The following TBC1D4 variants were observed in gnomAD, a reference collection of about 807,000 sequenced individuals.
TBC1D4 encodes TBC (Tre-2, BUB2, CDC16) domain-containing protein.
Under a neutral mutation model 142.5 loss-of-function variants are expected in TBC1D4, and 121 were observed. The ratio of observed to expected loss-of-function variants is 0.85; its 90% confidence interval spans 0.73 to 0.99. The LOEUF (loss-of-function observed/expected upper bound fraction) is 0.99. Ranked by LOEUF, TBC1D4 falls within the 50% of genes least tolerant of loss-of-function variation. The pLI, the probability that TBC1D4 is intolerant of heterozygous loss-of-function variation, is 0.00. For missense variants in TBC1D4, 1,475 were observed against 1,606.6 expected, an observed-to-expected ratio of 0.92 and a Z score of 1.40; for synonymous variants, 630 against 628.2, an observed-to-expected ratio of 1.00 and a Z score of -0.04.
chr13:75,461,808 G>T lies in TBC1D4; in HGVS notation c.498+19462C>A, dbSNP rs184843624. Among the ~76,000 whole-genome samples the T allele has an allele frequency of 2.0e-4, 31 of 152,204 alleles. No homozygotes were observed. The East Asian group carries it at 6.0e-3, about 29-fold the overall frequency. On this transcript the variant is annotated intron_variant, in intron 1 of 20. Transcript: ENST00000377636. ...TTCCCTTGAAACACTCTTCAACCAG[G>T]CCCTGAAACTTCCACATTTCTTGAA... is the stretch of plus-strand genomic sequence containing the variant.
At chr13:75,418,204 G>A (rs1191148503) in intron 1 of TBC1D4, among the ~76,000 whole-genome samples, 3 of 152,078 alleles carry the variant, frequency 2.0e-5, no homozygotes, top group Non-Finnish European at 4.4e-5. Flanking sequence ...TTTTAACTCA[G>A]CCAGCAGGTG....
At chr13:75,382,007 T>C (rs555438765) in intron 1 of TBC1D4, among the ~76,000 whole-genome samples, 10 of 152,278 alleles carry the variant, frequency 6.6e-5, no homozygotes, top group Admixed American at 5.2e-4. Context: ...AGGAAACCCA[T>C]TGAGGGAGGC....
chr13:75,349,224 G>A lies in TBC1D4; in HGVS notation c.1354C>T (p.Leu452=). Residue 452 remains leucine (L), a synonymous_variant, in exon 5 of 21, where the codon CTG becomes TTG. Transcript: ENST00000377636. ...ALQSAKTQIK[L]CEACPMHSLH... ...GAGTGCATCGGGCAGGCCTCACACA[G>A]TTTAATCTGCGTCTTGGCACTCTGC... 1 of 1,613,992 alleles carries A rather than the reference G, an allele frequency of 6.2e-7. No individual in the cohort carries two copies. The highest frequency in any genetic ancestry group is 8.5e-7 in the Non-Finnish European group (1 of 1,179,956).
At chr13:75,370,907 G>T (rs1051205349) in intron 1 of TBC1D4, among the ~76,000 whole-genome samples, 2 of 152,092 alleles carry the variant, frequency 1.3e-5, no homozygotes, top group African/African-American at 4.8e-5. Context: ...CAGAGACATA[G>T]ACAGCTAGGC....
intron 4 of TBC1D4, 120 bp downstream of exon 4, chr13:75,356,027 T>C: frequency 1.3e-6 from 1 of 770,674 alleles, no homozygotes; most frequent in Admixed American, 2.0e-5. Context: ...AACATATTTC[T>C]AGACGCCTTC....
chr13:75,457,055 T>G (rs1205040283), intron 1 of TBC1D4, among the ~76,000 whole-genome samples: 1 of 151,972 alleles, frequency 6.6e-6, no homozygotes, highest in Non-Finnish European at 1.5e-5. Context: ...TGATTCTATT[T>G]ATATAAAGTT....
intron 1 of TBC1D4, among the ~76,000 whole-genome samples, chr13:75,367,470 T>C (rs981193019): frequency 2.6e-5 from 4 of 152,134 alleles, no homozygotes; most frequent in Middle Eastern, 3.4e-3. Context: ...CACTGCTTGA[T>C]ATTATTAATC....
intron 13 of TBC1D4, among the ~76,000 whole-genome samples, chr13:75,310,583 C>T (rs1316228125): frequency 6.6e-6 from 1 of 152,216 alleles, no homozygotes; most frequent in African/African-American, 2.4e-5. Context: ...TGCTGGGCCT[C>T]TCCTGGCTGA....
In TBC1D4 at chr13:75,379,163, G is replaced by A. The variant is rs981983329; in HGVS notation, c.499-16556C>T. 2.6e-5 allele frequency among the ~76,000 whole-genome samples: 4 copies of A among 151,658 alleles called. No homozygotes were observed. In the East Asian group the frequency reaches 7.7e-4, roughly 29 times the overall value. On this transcript the variant is annotated intron_variant, in intron 1 of 20. Transcript: ENST00000377636. The stretch of plus-strand genomic sequence containing the variant: ...CTATAAATTGCTACATGATAAACAA[G>A]AAAATTAAAATCCAGAGAAGCGAAA...
rs753640370 is a variant in TBC1D4 at position 75,309,985 on chromosome 13, T to C, written c.2550A>G (p.Gln850=). The change falls in exon 14 of 21, where the codon CAA becomes CAG. Residue 850 remains glutamine, a synonymous_variant. Coordinates refer to ENST00000377636, the MANE Select transcript of TBC1D4 (RefSeq NM_014832.5). ...RSLWRKAIHQ[Q]ILLLRMEKEN... is the part of the protein sequence containing the mutation. ...CTTTTTCCATTCGAAGTAACAAGAT[T>C]TGTTGGTGTATAGCTTTTCTCCACA... is the stretch of plus-strand genomic sequence containing the variant. 47 of 1,614,032 alleles carry C rather than the reference T, an allele frequency of 2.9e-5. No homozygotes were observed. In the East Asian group the frequency reaches 1.0e-3, roughly 34 times the overall value.
At chr13:75,384,516 T>C (rs1336013196) in intron 1 of TBC1D4, among the ~76,000 whole-genome samples, 5 of 151,566 alleles carry the variant, frequency 3.3e-5, no homozygotes, top group African/African-American at 1.2e-4. Flanking sequence ...AACTTTCCAG[T>C]TTCTCCAAAA....
At chr13:75,464,756 T>G (rs1888102826) in intron 1 of TBC1D4, among the ~76,000 whole-genome samples, 1 of 152,190 alleles carries the variant, frequency 6.6e-6, no homozygotes, top group African/African-American at 2.4e-5. Context: ...AGGGACAAAC[T>G]TACAAACTGG....
intron 14 of TBC1D4, among the ~76,000 whole-genome samples, chr13:75,307,469 G>A (rs1877298120): frequency 6.6e-6 from 1 of 152,104 alleles, no homozygotes; most frequent in Non-Finnish European, 1.5e-5. Flanking sequence ...AGAGAAGGAA[G>A]AGCAGACACA....
intron 1 of TBC1D4, among the ~76,000 whole-genome samples, chr13:75,464,320 A>G (rs1888085235): frequency 6.6e-6 from 1 of 152,190 alleles, no homozygotes; most frequent in African/African-American, 2.4e-5. Flanking sequence ...GAGGGCAAGG[A>G]ACACTTGGCC....
chr13:75,481,195 T>TCCCCCCCCCA, intron 1 of TBC1D4, 75 bp downstream of exon 1: 1 of 1,292,712 alleles, frequency 7.7e-7, no homozygotes, highest in Non-Finnish European at 1.1e-6. Flanking sequence ...TAAAGTGGGG[T>TCCCCCCCCCA]CCCCGCCCCT....
At chr13:75,337,151 G>T in intron 7 of TBC1D4, 111 bp from the exon 8 acceptor site, 2 of 964,590 alleles carry the variant, frequency 2.1e-6, no homozygotes, top group Non-Finnish European at 3.2e-6. Context: ...TTCTTCAGTA[G>T]CTCTATTAAT....
In TBC1D4 at chr13:75,283,692, G is replaced by A. The variant is rs1874464694; in HGVS notation, c.*3100C>T. Among the ~76,000 whole-genome samples, 1 of 152,138 alleles carries A rather than the reference G, an allele frequency of 6.6e-6. No homozygotes were observed. Among genetic ancestry groups the A allele is most frequent in the Non-Finnish European group, 1.5e-5 (1 of 68,030 alleles). On this transcript the variant is annotated 3_prime_UTR_variant, in exon 21 of 21. Coordinates refer to ENST00000377636, the MANE Select transcript of TBC1D4 (RefSeq NM_014832.5). ...CTATGAGGGGGCCTGGAAAATAAAA[G>A]GGTAGAATGCAAATCTGTCAATGTG...
intron 1 of TBC1D4, among the ~76,000 whole-genome samples, chr13:75,399,851 A>T (rs565795059): frequency 1.3e-5 from 2 of 152,144 alleles, no homozygotes; most frequent in African/African-American, 4.8e-5. Flanking sequence ...AGTTTCTACT[A>T]TTGAGCTCTA....
intron 3 of TBC1D4, among the ~76,000 whole-genome samples, chr13:75,358,755 T>C (rs1767013767): frequency 2.0e-5 from 3 of 151,858 alleles, no homozygotes; most frequent in Admixed American, 6.6e-5. Flanking sequence ...TCCCAGCTAC[T>C]GGAGAGGCTA....
Sources: gnomAD v4.1 joint callset for allele counts (sites outside exome capture counted in the v4.1 genomes callset) on GRCh38, gnomAD v4.1.1 for gene constraint, MANE v1.5 for transcripts, NCBI Gene and HGNC (gene_info 2026-07-23, HGNC 2026-07-21) for gene names.